Variants in PRUNE2 observed in about 807,000 individuals in gnomAD.
PRUNE2 encodes the protein prune homolog 2 with BCH domain.
Under a neutral mutation model 252.0 loss-of-function variants are expected in PRUNE2, and 164 were observed. The ratio of observed to expected loss-of-function variants is 0.65; its 90% CI spans 0.57 to 0.74. The LOEUF is 0.74. Among genes scored for constraint, PRUNE2 ranks in the 30% least tolerant of loss-of-function variants. The probability of loss-of-function intolerance (pLI) is 0.00; values close to 1 mark genes in which losing one functional copy is unlikely to be tolerated. For missense variants in PRUNE2, 3,495 were observed against 3,711.0 expected (o/e 0.94, Z 1.51); for synonymous variants, 1,292 against 1,350.2 (o/e 0.96, Z 0.94).
At chr9:76,758,988 G>A (rs2051429229) in intron 6 of PRUNE2, 2 of 152,248 alleles carry the variant, frequency 1.3e-5, no homozygotes, top group African/African-American at 4.8e-5. Flanking sequence ...ATAGGGACAA[G>A]AACCTAAGGT....
chr9:76,658,845 G>A (rs915046310), intron 9 of PRUNE2, among the ~76,000 whole-genome samples: 1 of 152,228 alleles, frequency 6.6e-6, no homozygotes, highest in Admixed American at 6.5e-5. Context: ...TGTGTTAGAA[G>A]ATCAATGTAT....
rs2063473506 is a variant in PRUNE2, at chr9:76,905,984, A to G, written c.-21T>C. 5 of 1,613,706 alleles carry G rather than the reference A, an allele frequency of 3.1e-6. No homozygotes were observed. The South Asian group carries it at 4.4e-5, about 14-fold the overall frequency. On this transcript the variant is annotated 5_prime_UTR_variant, in exon 1 of 19. Coordinates refer to ENST00000376718, the MANE Select transcript of PRUNE2 (RefSeq NM_015225.3). Reference sequence around the variant, plus strand: ...TCCATGTCGTGGCTAGGGGTTTGGAACCCGGGTACTCGGAGGGGCGCAGTG... The same window carrying G: ...TCCATGTCGTGGCTAGGGGTTTGGAGCCCGGGTACTCGGAGGGGCGCAGTG...
intron 6 of PRUNE2, chr9:76,788,517 A>G: frequency 2.8e-6 from 2 of 718,502 alleles, no homozygotes; most frequent in South Asian, 3.0e-5. Flanking sequence ...CCTTGGGGAA[A>G]AGCTCAATCC....
chr9:76,705,528 G>A lies in PRUNE2; in HGVS notation c.6746C>T (p.Ser2249Phe). 1 of 1,614,022 alleles carries A rather than the reference G, an allele frequency of 6.2e-7. No individual in the cohort carries two copies. The highest frequency in any genetic ancestry group is 8.5e-7 in the Non-Finnish European group (1 of 1,179,890). The change falls in exon 8 of 19, where the codon TCT becomes TTT. Residue 2249 changes from serine to phenylalanine, a missense_variant. By Grantham distance (155) the Ser-to-Phe change is radical (BLOSUM62 -2). Coordinates refer to ENST00000376718, the MANE Select transcript of PRUNE2 (RefSeq NM_015225.3). ...HQEPTPEGDG[S>F]WISDSFSPES... ...AGGAGAAAAGCTGTCTGATATCCAA[G>A]AACCGTCACCTTCTGGAGTTGGCTC...
chr9:76,661,262 T>C (rs186547488), intron 9 of PRUNE2, among the ~76,000 whole-genome samples: 5 of 152,312 alleles, frequency 3.3e-5, no homozygotes, highest in African/African-American at 4.8e-5. Flanking sequence ...TCATTATTGT[T>C]AGTATTTTTT....
intron 6 of PRUNE2, among the ~76,000 whole-genome samples, chr9:76,800,727 CTGT>C (rs1375031897): frequency 6.6e-6 from 1 of 152,182 alleles, no homozygotes; most frequent in Non-Finnish European, 1.5e-5. Flanking sequence ...CCTCACACCC[CTGT>C]TCACCTGGAT....
At chr9:76,813,462 T>G (rs530785991) in intron 6 of PRUNE2, among the ~76,000 whole-genome samples, 1 of 152,220 alleles carries the variant, frequency 6.6e-6, no homozygotes, top group Non-Finnish European at 1.5e-5. Flanking sequence ...TAAAAGTGTG[T>G]TGTGTCTCTA....
chr9:76,862,716 A>C (rs1463143371), intron 1 of PRUNE2: 4 of 152,016 alleles, frequency 2.6e-5, no homozygotes, highest in Non-Finnish European at 4.4e-5. Flanking sequence ...GAAACTCACA[A>C]AAAAAAACCT....
chr9:76,707,843 C>T lies in PRUNE2; in HGVS notation c.4431G>A (p.Val1477=). ...GAACTCTGTGAGGTGGCCCTCCACC[C>T]ACGTTCTCTGGCTCTAGAAAGTTAC... ...EECNFLEPEN[V]GGGPPHRVPR... is the part of the protein sequence containing the mutation. The change falls in exon 8 of 19, where the codon GTG becomes GTA. Residue 1477 remains valine, a synonymous_variant. Coordinates refer to ENST00000376718, the MANE Select transcript of PRUNE2 (RefSeq NM_015225.3). 6.2e-7 allele frequency: 1 copy of T among 1,613,696 alleles called. No individual in the cohort carries two copies. The highest frequency in any genetic ancestry group is 1.7e-5 in the Admixed American group (1 of 60,002).
Position 76,711,315 on chromosome 9 carries a change from A to G in PRUNE2, c.959T>C (p.Leu320Pro). 6.2e-7 allele frequency: 1 copy of G among 1,613,636 alleles called. No homozygotes were observed. The highest frequency in any genetic ancestry group is 8.5e-7 in the Non-Finnish European group (1 of 1,179,808). Residue 320 changes from leucine to proline, a missense_variant, in exon 8 of 19, where the codon CTG (leucine) becomes CCG (proline). Physicochemically the swap from Leu to Pro is moderately conservative, Grantham distance 98 (BLOSUM62 -3). Transcript: ENST00000376718. ...LEECQNPCLELEPFDCGCDEI... is the reference protein window; with the variant it reads ...LEECQNPCLEPEPFDCGCDEI... ...ATCACAGCCACAGTCAAAGGGCTCC[A>G]GTTCTAGGCAAGGGTTCTGACACTC... is the stretch of plus-strand genomic sequence containing the variant.
intron 9 of PRUNE2, chr9:76,692,041 G>A (rs1230416004): frequency 1.3e-5 from 9 of 717,016 alleles, no homozygotes; most frequent in Admixed American, 4.0e-5. Flanking sequence ...TTCCCGTACC[G>A]ATCTCCTAAA....
chr9:76,906,059 C>A lies in PRUNE2; in HGVS notation c.-96G>T. Reference sequence around the variant, plus strand: ...AGCGGGGTCCCGGGAAAGTGGCCCGCCGGGGCGCAGCGACCGACTGCTCCC... The same window carrying A: ...AGCGGGGTCCCGGGAAAGTGGCCCGACGGGGCGCAGCGACCGACTGCTCCC... On this transcript the variant is annotated 5_prime_UTR_variant, in exon 1 of 19. Coordinates refer to ENST00000376718, the MANE Select transcript of PRUNE2 (RefSeq NM_015225.3). 7.2e-7 allele frequency: 1 copy of A among 1,381,316 alleles called. No individual in the cohort carries two copies. Among genetic ancestry groups the A allele is most frequent in the South Asian group, 1.2e-5 (1 of 85,874 alleles). The allele number at this position is 1,381,316 out of a possible 1,614,324, so 85.6% of individuals were successfully genotyped here. A position where few individuals can be genotyped will look rare whatever the true frequency, so the allele number is the denominator to read the frequency against.
chr9:76,771,000 G>A (rs940494674), intron 6 of PRUNE2, among the ~76,000 whole-genome samples: 2 of 152,064 alleles, frequency 1.3e-5, no homozygotes, highest in Admixed American at 1.3e-4. Context: ...CTAAATTTTT[G>A]CTACAAATTA....
intron 5 of PRUNE2, among the ~76,000 whole-genome samples, chr9:76,824,598 T>C (rs551883691): frequency 8.5e-5 from 13 of 152,338 alleles, no homozygotes; most frequent in Non-Finnish European, 2.9e-5. Flanking sequence ...CAATGAAATC[T>C]ATCACAGTAA....
chr9:76,614,460 C>G lies in PRUNE2; in HGVS notation c.*110G>C, dbSNP rs377475148. ...TTCCCCTTAGAAATTTAGAATGGCACCAGGTAGTGCAAAGTGGAAAAAGGT... is the reference window on the plus strand; with the variant it reads ...TTCCCCTTAGAAATTTAGAATGGCAGCAGGTAGTGCAAAGTGGAAAAAGGT... On this transcript the variant is annotated 3_prime_UTR_variant, in exon 19 of 19. Transcript: ENST00000376718. The G allele has an allele frequency of 9.5e-6, 8 of 845,008 alleles. No homozygotes were observed. Among genetic ancestry groups the G allele is most frequent in the Non-Finnish European group, 1.6e-5 (8 of 507,056 alleles). The allele number at this position is 845,008 out of a possible 1,614,324, so 52.3% of individuals were successfully genotyped here.
At chr9:76,882,144 T>A (rs2133310872) in intron 1 of PRUNE2, among the ~76,000 whole-genome samples, 1 of 152,220 alleles carries the variant, frequency 6.6e-6, no homozygotes, top group East Asian at 1.9e-4. Context: ...GATATATGAG[T>A]ATGTGTTTAT....
chr9:76,882,965 AG>A (rs200403919), intron 1 of PRUNE2, among the ~76,000 whole-genome samples: 1,835 of 152,286 alleles, frequency 0.012, 35 homozygotes, highest in African/African-American at 0.041. Flanking sequence ...TATTAGGTAT[AG>A]TACTTTCAGC....
At chr9:76,702,972 T>C (rs2046012876) in intron 9 of PRUNE2, among the ~76,000 whole-genome samples, 1 of 151,714 alleles carries the variant, frequency 6.6e-6, no homozygotes, top group Non-Finnish European at 1.5e-5. Context: ...TAGGATTAAA[T>C]GAGATAATGT....
chr9:76,888,928 C>T (rs2062281717), intron 1 of PRUNE2, among the ~76,000 whole-genome samples: 1 of 152,050 alleles, frequency 6.6e-6, no homozygotes, highest in Non-Finnish European at 1.5e-5. Flanking sequence ...CTTCAACCTC[C>T]GCCTCCCAGG....
Sources: allele counts gnomAD v4.1 joint callset (sites outside exome capture counted in the v4.1 genomes callset), GRCh38; gene constraint gnomAD v4.1.1; transcripts MANE v1.5; gene names NCBI Gene and HGNC (gene_info 2026-07-23, HGNC 2026-07-21).